The following OTC variants were observed in gnomAD, a reference collection of about 807,000 sequenced individuals.
The protein encoded by OTC is ornithine transcarbamylase, mitochondrial.
In OTC, 3 loss-of-function variants were observed where a neutral mutation model predicts 30.3. That is an observed-to-expected ratio of 0.10 (90% CI 0.05 to 0.26). The LOEUF (loss-of-function observed/expected upper bound fraction) is 0.26. Among genes scored for constraint, OTC ranks in the 10% least tolerant of loss-of-function variants. OTC has a pLI of 1.00. For synonymous variants in OTC, 111 were observed against 99.7 expected, an observed-to-expected ratio of 1.11 and a Z score of -0.67; for missense variants, 194 against 260.3, an observed-to-expected ratio of 0.75 and a Z score of 1.75.
chrX:38,400,496 A>G (rs1351566555), intron 4 of OTC, among the ~76,000 whole-genome samples: 1 of 110,898 alleles, frequency 9.0e-6, no homozygotes, highest in East Asian at 2.8e-4. Context: ...GAGAGGCAGC[A>G]GGAGTGGGCA....
chrX:38,400,277 A>C (rs773096394), intron 4 of OTC, among the ~76,000 whole-genome samples: 35 of 111,317 alleles, frequency 3.1e-4, no homozygotes, highest in Non-Finnish European at 5.7e-4. Context: ...AAATTAGAAA[A>C]AATCTGATCT....
At chrX:38,387,401 A>G (rs2068409543) in intron 4 of OTC, among the ~76,000 whole-genome samples, 1 of 112,534 alleles carries the variant, frequency 8.9e-6, no homozygotes, top group African/African-American at 3.2e-5. Flanking sequence ...AGATCTGACA[A>G]TTAAGGAGAG....
rs141347272 is a variant in OTC at position 38,385,726 on chromosome X, A to G, written c.386+4297A>G. ...TCAGTCTCACCCACCAAAGAAAGGA[A>G]AGATAAAATCAGAACAAGGAATAAA... On this transcript the variant is annotated intron_variant, in intron 4 of 9. Transcript: ENST00000039007. 2.7e-3 allele frequency among the ~76,000 whole-genome samples: 303 copies of G among 112,407 alleles called. 1 individual carries two copies. Among genetic ancestry groups the G allele is most frequent in the African/African-American group, 9.2e-3 (284 of 30,958 alleles).
At chrX:38,390,027 T>C (rs2068422644) in intron 4 of OTC, among the ~76,000 whole-genome samples, 1 of 111,921 alleles carries the variant, frequency 8.9e-6, no homozygotes, top group Admixed American at 9.5e-5. Flanking sequence ...CCACTGAACT[T>C]CCATTAGCAT....
At chrX:38,394,417 A>G (rs959670673) in intron 4 of OTC, among the ~76,000 whole-genome samples, 1 of 112,297 alleles carries the variant, frequency 8.9e-6, no homozygotes, top group Non-Finnish European at 1.9e-5. Context: ...ATGCTGTTAG[A>G]AAAAAGGAGA....
intron 4 of OTC, among the ~76,000 whole-genome samples, chrX:38,399,442 C>G: frequency 9.0e-6 from 1 of 111,185 alleles, no homozygotes; most frequent in Non-Finnish European, 1.9e-5. Context: ...GCCTGGGCAT[C>G]AAGAGTTTAA....
the OTC span, among the ~76,000 whole-genome samples, chrX:38,330,521 G>A: frequency 1.8e-5 from 2 of 112,081 alleles, no homozygotes; most frequent in East Asian, 5.6e-4. Flanking sequence ...CTGAGGTTGA[G>A]ATCACATAAT....
At chrX:38,341,561 GAGT>G in the OTC span, among the ~76,000 whole-genome samples, 1 of 112,264 alleles carries the variant, frequency 8.9e-6, no homozygotes, top group Non-Finnish European at 1.9e-5. Flanking sequence ...CTGGCAAAAA[GAGT>G]AGTGGCCATG....
chrX:38,409,775 T>G (rs1256061704), intron 8 of OTC, among the ~76,000 whole-genome samples: 2 of 112,541 alleles, frequency 1.8e-5, no homozygotes, highest in East Asian at 5.5e-4. Context: ...AGAAAGGGAT[T>G]AAGCAAGTAC....
intron 6 of OTC, 87 bp from the exon 7 acceptor site, chrX:38,408,655 C>G: frequency 1.6e-6 from 1 of 606,401 alleles, no homozygotes; most frequent in Non-Finnish European, 2.7e-6. Context: ...GGGAAGGAGA[C>G]GCGATATTGA....
intron 9 of OTC, among the ~76,000 whole-genome samples, chrX:38,417,973 A>G (rs1380472209): frequency 1.8e-5 from 2 of 111,906 alleles, no homozygotes. Context: ...CCTGCACCAG[A>G]TTGGTTTCAG....
chrX:38,377,821 CT>C (rs2068356347), intron 3 of OTC, among the ~76,000 whole-genome samples: 1 of 111,441 alleles, frequency 9.0e-6, no homozygotes, highest in South Asian at 3.8e-4. Context: ...TCCACACTAC[CT>C]TCTTGTTGTC....
chrX:38,338,251 ATTTG>A, the OTC span, among the ~76,000 whole-genome samples: 1 of 112,126 alleles, frequency 8.9e-6, no homozygotes, highest in Non-Finnish European at 1.9e-5. Context: ...CCATTAAGCT[ATTTG>A]TTATAAGAAA....
intron 2 of OTC, 45 bp from the exon 3 acceptor site, chrX:38,369,751 A>G (rs1467413714): frequency 3.0e-6 from 2 of 671,097 alleles, no homozygotes; most frequent in Non-Finnish European, 4.5e-6. Flanking sequence ...AACATAATTT[A>G]TATATAAGAT....
chrX:38,383,825 A>AAG (rs2068388889), intron 4 of OTC, among the ~76,000 whole-genome samples: 1 of 110,593 alleles, frequency 9.0e-6, no homozygotes, highest in African/African-American at 3.3e-5. Flanking sequence ...CAAAAAAAAA[A>AAG]AAAAGAAAAG....
Position 38,381,424 on chromosome X carries a change from G to A in OTC, c.381G>A (p.Thr127=), listed in dbSNP as rs2068376283. 7.7e-6 allele frequency: 9 copies of A among 1,168,757 alleles called. No homozygotes were observed. Among genetic ancestry groups the A allele is most frequent in the South Asian group, 1.8e-5 (1 of 55,673 alleles). ...HLGVNESLTD[T]ARVLSSMADA... is the part of the protein sequence containing the mutation. ...GTGTGAATGAAAGTCTCACGGACAC[G>A]GCCCGGTTTGTAAATATTTTCTTCT... Residue 127 remains threonine (T), a synonymous_variant, in exon 4 of 10, where the codon ACG becomes ACA. Coordinates refer to ENST00000039007, the MANE Select transcript of OTC (RefSeq NM_000531.6).
chrX:38,420,833 G>A (rs2068591419), intron 9 of OTC, among the ~76,000 whole-genome samples, 190 bp from the exon 10 acceptor site: 1 of 111,239 alleles, frequency 9.0e-6, no homozygotes, highest in Non-Finnish European at 1.9e-5. Flanking sequence ...GATCTCTGTT[G>A]ACTTTCATTT....
At position 38,391,444 on chromosome X, in the gene OTC, G is replaced by T. The variant is rs750660870; in HGVS notation, c.387-9831G>T. Among the ~76,000 whole-genome samples, 4 of 111,334 alleles carry T rather than the reference G, an allele frequency of 3.6e-5. No individual in the cohort carries two copies. In the South Asian group the frequency reaches 1.5e-3, roughly 42 times the overall value. Reference sequence around the variant, plus strand: ...CTTTATATACTCAGCTATTTTGTCTGATATCTATGTAGTCTGACTGTTCTC... The same window carrying T: ...CTTTATATACTCAGCTATTTTGTCTTATATCTATGTAGTCTGACTGTTCTC... On this transcript the variant is annotated intron_variant, in intron 4 of 9. Transcript: ENST00000039007.
chrX:38,378,968 C>T lies in OTC; in HGVS notation c.299-2374C>T, dbSNP rs545614328. Among the ~76,000 whole-genome samples, 25 of 111,328 alleles carry T rather than the reference C, an allele frequency of 2.2e-4. No homozygotes were observed. In the South Asian group the frequency reaches 8.8e-3, roughly 39 times the overall value. On this transcript the variant is annotated intron_variant, in intron 3 of 9. Coordinates refer to ENST00000039007, the MANE Select transcript of OTC (RefSeq NM_000531.6). Reference sequence around the variant, plus strand: ...GTAGGGCTTGTGCAGTTTGAACCTCCTGCTAGTGCCAAAGGAGTGAGCACC... The same window carrying T: ...GTAGGGCTTGTGCAGTTTGAACCTCTTGCTAGTGCCAAAGGAGTGAGCACC...
Sources: allele counts gnomAD v4.1 joint callset (sites outside exome capture counted in the v4.1 genomes callset), GRCh38; gene constraint gnomAD v4.1.1; transcripts MANE v1.5; gene names NCBI Gene and HGNC (gene_info 2026-07-23, HGNC 2026-07-21).